The following AIG1 variants were observed in gnomAD, a reference collection of about 807,000 sequenced individuals.
AIG1 encodes androgen induced 1.
Under a neutral mutation model 31.4 loss-of-function variants are expected in AIG1, and 23 were observed. The ratio of observed to expected loss-of-function variants is 0.73; its 90% CI spans 0.53 to 1.04. The LOEUF is 1.04. Ranked by LOEUF, AIG1 falls within the 50% of genes least tolerant of loss-of-function variation. The probability of loss-of-function intolerance (pLI) is 0.00; values close to 1 mark genes in which losing one functional copy is unlikely to be tolerated. For synonymous variants in AIG1, 100 were observed against 110.5 expected (o/e 0.90, Z 0.60); for missense variants, 274 against 295.0 (o/e 0.93, Z 0.52).
intron 3 of AIG1, among the ~76,000 whole-genome samples, chr6:143,198,366 C>G (rs1583484535): frequency 6.6e-6 from 1 of 152,224 alleles, no homozygotes; most frequent in East Asian, 1.9e-4. Flanking sequence ...GTCTGCTGAT[C>G]ACCATCTCCA....
At chr6:143,208,371 C>T (rs915026081) in intron 3 of AIG1, among the ~76,000 whole-genome samples, 1 of 152,158 alleles carries the variant, frequency 6.6e-6, no homozygotes. Context: ...TTTCTCCCTT[C>T]CTGCTGAGAG....
At chr6:143,078,436 G>T (rs1184181514) in intron 1 of AIG1, among the ~76,000 whole-genome samples, 2 of 152,058 alleles carry the variant, frequency 1.3e-5, no homozygotes, top group Non-Finnish European at 2.9e-5. Flanking sequence ...AATTGTTTTG[G>T]ATTATACCAT....
rs1229712188 is a variant in AIG1 at position 143,331,638 on chromosome 6, GTGTGTGTGTATATA to G, written c.516-1634_516-1621del. On this transcript the variant is annotated intron_variant, in intron 4 of 5. Coordinates refer to ENST00000357847, the MANE Select transcript of AIG1 (RefSeq NM_016108.4). The surrounding 1 kb of genome is among the most constrained non-coding windows in gnomAD (Gnocchi z 4.1). ...TTTCTATATACATATATGTACATCT[GTGTGTGTGTATATA>G]TGTGTGTGTGTATATGTGTGTGTGT... is the stretch of plus-strand genomic sequence containing the variant. Among the ~76,000 whole-genome samples, 1 of 151,580 alleles carries G rather than the reference GTGTGTGTGTATATA, an allele frequency of 6.6e-6. No individual in the cohort carries two copies. The highest frequency in any genetic ancestry group is 1.5e-5 in the Non-Finnish European group (1 of 67,906).
rs6921164 is a variant in AIG1, at chr6:143,337,725, G to A, written c.680-1914G>A. ...TCTTCTCCTCCAGCTACCCGTGCAG[G>A]TCATTTCCCCCCAGGCCCATCCAGG... On this transcript the variant is annotated intron_variant, in intron 5 of 5. Transcript: ENST00000357847. 3.4e-3 allele frequency among the ~76,000 whole-genome samples: 511 copies of A among 152,214 alleles called. 2 individuals are homozygous for A. Among genetic ancestry groups the A allele is most frequent in the African/African-American group, 0.012 (487 of 41,536 alleles).
At chr6:143,233,124 C>T (rs1439552171) in intron 3 of AIG1, among the ~76,000 whole-genome samples, 2 of 152,094 alleles carry the variant, frequency 1.3e-5, no homozygotes, top group Non-Finnish European at 2.9e-5. Flanking sequence ...GATCTGCCCC[C>T]ACTCCAGGCA....
chr6:143,085,372 A>G (rs1402247547), intron 1 of AIG1, among the ~76,000 whole-genome samples: 1 of 152,120 alleles, frequency 6.6e-6, no homozygotes, highest in Admixed American at 6.5e-5. Flanking sequence ...ACCTCTGCTT[A>G]TTGGATTCGT....
Position 143,333,360 on chromosome 6 carries a change from C to T in AIG1, c.594C>T (p.Ile198=), listed in dbSNP as rs781302825. ...ACATTGGCCCAGGAGCCAGAATCAT[C>T]TTCTTTGGGTCTACAACCATCTTAA... The part of the protein sequence containing the change: ...LEHIGPGARI[I]FFGSTTILMN... Residue 198 remains isoleucine, a synonymous_variant, in exon 5 of 6, where the codon ATC becomes ATT. Transcript: ENST00000357847. This position sits in a 1 kb window ranked among gnomAD's most constrained non-coding sequence, Gnocchi z 4.6. The T allele has an allele frequency of 3.3e-5, 53 of 1,614,028 alleles. No individual in the cohort carries two copies. In the African/African-American group the frequency reaches 5.2e-4, roughly 16 times the overall value.
At chr6:143,171,704 G>T (rs1276519414) in intron 3 of AIG1, among the ~76,000 whole-genome samples, 2 of 150,822 alleles carry the variant, frequency 1.3e-5, no homozygotes, top group Non-Finnish European at 2.9e-5. Flanking sequence ...CCGGGAGTGG[G>T]ATTTCTGTAT....
intron 4 of AIG1, among the ~76,000 whole-genome samples, chr6:143,324,720 T>C (rs1246206444): frequency 6.6e-6 from 1 of 152,254 alleles, no homozygotes; most frequent in African/African-American, 2.4e-5. Context: ...TTAGCTCTTA[T>C]TGCATATGAG....
At chr6:143,278,588 C>T (rs1316422915) in intron 3 of AIG1, among the ~76,000 whole-genome samples, 2 of 151,954 alleles carry the variant, frequency 1.3e-5, no homozygotes, top group African/African-American at 4.8e-5. Flanking sequence ...CCTGCCTCAG[C>T]CTCCCAACTA....
intron 3 of AIG1, among the ~76,000 whole-genome samples, chr6:143,197,533 T>G (rs1382380747): frequency 6.6e-6 from 1 of 152,212 alleles, no homozygotes; most frequent in African/African-American, 2.4e-5. Context: ...TCTCTTTTTC[T>G]TGGGCACTCA....
intron 4 of AIG1, among the ~76,000 whole-genome samples, chr6:143,308,931 A>G (rs530211552): frequency 6.6e-6 from 1 of 151,974 alleles, no homozygotes; most frequent in African/African-American, 2.4e-5. Context: ...AGTTTCTGCC[A>G]TATATAAAAT....
intron 1 of AIG1, among the ~76,000 whole-genome samples, chr6:143,114,173 G>A (rs529001880): frequency 6.6e-6 from 1 of 152,244 alleles, no homozygotes; most frequent in Non-Finnish European, 1.5e-5. Flanking sequence ...CTGAATGGCT[G>A]GAAAGTTAGT....
At chr6:143,182,283 C>G (rs1029160169) in intron 3 of AIG1, among the ~76,000 whole-genome samples, 5 of 152,184 alleles carry the variant, frequency 3.3e-5, no homozygotes, top group African/African-American at 1.2e-4. Flanking sequence ...ATCCTCCTGC[C>G]TCAGCCTCCC....
At chr6:143,120,263 C>A (rs1337073513) in intron 1 of AIG1, among the ~76,000 whole-genome samples, 1 of 152,124 alleles carries the variant, frequency 6.6e-6, no homozygotes, top group Non-Finnish European at 1.5e-5. Context: ...ATAACTGAGG[C>A]AGATGTTGTG....
intron 3 of AIG1, among the ~76,000 whole-genome samples, chr6:143,202,110 T>C (rs1417024473): frequency 2.6e-5 from 4 of 152,170 alleles, no homozygotes; most frequent in Non-Finnish European, 5.9e-5. Context: ...CTCTCTTATA[T>C]CGTGTTGCCG....
chr6:143,248,554 C>T (rs1794773256), intron 3 of AIG1, among the ~76,000 whole-genome samples: 2 of 152,192 alleles, frequency 1.3e-5, no homozygotes, highest in South Asian at 4.1e-4. Context: ...TCTGGGTAAC[C>T]ACTGCAAACA....
At chr6:143,272,626 A>G (rs1012530065) in intron 3 of AIG1, among the ~76,000 whole-genome samples, 16 of 152,252 alleles carry the variant, frequency 1.1e-4, no homozygotes, top group African/African-American at 3.6e-4. Flanking sequence ...TGACTCTGCA[A>G]TATGTATATA....
At chr6:143,128,484 C>A (rs980921637) in intron 1 of AIG1, among the ~76,000 whole-genome samples, 1 of 152,122 alleles carries the variant, frequency 6.6e-6, no homozygotes, top group African/African-American at 2.4e-5. Context: ...TTTCAGCATG[C>A]AACGTAAAAT....
Sources: gnomAD v4.1 joint callset for allele counts (sites outside exome capture counted in the v4.1 genomes callset) on GRCh38, gnomAD v4.1.1 for gene constraint, Gnocchi (gnomAD v3.1) non-coding constraint, MANE v1.5 for transcripts, NCBI Gene and HGNC (gene_info 2026-07-23, HGNC 2026-07-21) for gene names.